IL17D: variants seen among roughly 807,000 people sequenced by gnomAD.
IL17D encodes interleukin-17D.
IL17D carries 10 observed loss-of-function variants against 5.7 expected under a neutral mutation model. The ratio of observed to expected loss-of-function variants is 1.75; its 90% CI spans 1.08 to 2.97. The LOEUF is 2.97. Ranked by LOEUF, IL17D falls within the 30% of genes most tolerant of loss-of-function variation. IL17D has a pLI of 0.00. For synonymous variants in IL17D, 172 were observed against 141.7 expected (o/e 1.21, Z -1.52); for missense variants, 354 against 292.7 (o/e 1.21, Z -1.53).
intron 1 of IL17D, among the ~76,000 whole-genome samples, chr13:20,717,760 G>A (rs2058688767): frequency 6.6e-6 from 1 of 152,172 alleles, no homozygotes; most frequent in African/African-American, 2.4e-5. Flanking sequence ...CATGGGGGGA[G>A]GTGTCTTGTC....
intron 1 of IL17D, among the ~76,000 whole-genome samples, chr13:20,704,609 C>T (rs971517139): frequency 6.6e-6 from 1 of 152,020 alleles, no homozygotes; most frequent in Non-Finnish European, 1.5e-5. Flanking sequence ...GGCCCACCCC[C>T]ACCACCTCCC....
intron 1 of IL17D, among the ~76,000 whole-genome samples, chr13:20,711,478 C>T (rs2058637022): frequency 6.6e-6 from 1 of 152,178 alleles, no homozygotes; most frequent in Admixed American, 6.5e-5. Flanking sequence ...AAGGCCCCGC[C>T]TCCCACACTG....
Sources: allele counts gnomAD v4.1 joint callset (sites outside exome capture counted in the v4.1 genomes callset), GRCh38; gene constraint gnomAD v4.1.1; transcripts MANE v1.5; gene names NCBI Gene and HGNC (gene_info 2026-07-23, HGNC 2026-07-21).